Variants in FSTL5 observed in about 807,000 individuals in gnomAD.
FSTL5 encodes the protein follistatin-related protein 5.
A neutral mutation model predicts 89.1 loss-of-function variants in FSTL5; 62 were observed. The ratio of observed to expected loss-of-function variants is 0.70; its 90% CI spans 0.57 to 0.86. The LOEUF (loss-of-function observed/expected upper bound fraction) is 0.86, where lower values mean the gene tolerates loss of function less well. FSTL5 is among the 40% of genes least tolerant of loss of function. The pLI is 0.00. For missense variants in FSTL5, 1,057 were observed against 1,001.6 expected (o/e 1.06, Z -0.75); for synonymous variants, 383 against 346.2 (o/e 1.11, Z -1.18).
chr4:161,743,014 T>C (rs1740080983), intron 6 of FSTL5, among the ~76,000 whole-genome samples: 3 of 152,170 alleles, frequency 2.0e-5, no homozygotes, highest in African/African-American at 7.2e-5. Flanking sequence ...CCTTGGGTGG[T>C]CTTTTCACTC....
intron 6 of FSTL5, among the ~76,000 whole-genome samples, chr4:161,724,763 C>T (rs553056337): frequency 6.6e-6 from 1 of 152,158 alleles, no homozygotes; most frequent in South Asian, 2.1e-4. Context: ...GTCATTTGGG[C>T]AAAGGAATAT....
chr4:162,033,689 A>AT, intron 2 of FSTL5, 31 bp from the exon 3 acceptor site: 1 of 1,256,490 alleles, frequency 8.0e-7, no homozygotes, highest in Non-Finnish European at 1.1e-6. Flanking sequence ...AGGTCAAAAT[A>AT]TGTAAGTAAA....
chr4:161,895,832 T>A (rs531977861), intron 4 of FSTL5, among the ~76,000 whole-genome samples: 4 of 152,244 alleles, frequency 2.6e-5, no homozygotes, highest in African/African-American at 4.8e-5. Flanking sequence ...GGTTTCTAGG[T>A]GGCAGTGGTG....
intron 12 of FSTL5, among the ~76,000 whole-genome samples, chr4:161,488,465 A>C (rs1729752785): frequency 6.6e-6 from 1 of 152,088 alleles, no homozygotes; most frequent in South Asian, 2.1e-4. Context: ...ACACTATGCT[A>C]TCATAAGCTG....
chr4:161,693,807 T>C (rs949684884), intron 6 of FSTL5, among the ~76,000 whole-genome samples: 1 of 151,674 alleles, frequency 6.6e-6, no homozygotes, highest in African/African-American at 2.4e-5. Flanking sequence ...CCCGGCTACT[T>C]TTTTGTATTT....
At chr4:162,014,744 T>A (rs1341708660) in intron 3 of FSTL5, among the ~76,000 whole-genome samples, 1 of 151,980 alleles carries the variant, frequency 6.6e-6, no homozygotes, top group African/African-American at 2.4e-5. Context: ...AATCTTTTTT[T>A]AAAAGTCTAG....
intron 14 of FSTL5, among the ~76,000 whole-genome samples, chr4:161,457,106 C>T (rs900365988): frequency 6.6e-6 from 1 of 152,140 alleles, no homozygotes; most frequent in Admixed American, 6.5e-5. Context: ...CTAACATGAT[C>T]CATGAGTGAG....
At chr4:161,415,793 T>C (rs1365497444) in intron 15 of FSTL5, among the ~76,000 whole-genome samples, 3 of 135,594 alleles carry the variant, frequency 2.2e-5, no homozygotes, top group South Asian at 2.4e-4. Context: ...ATGATATATA[T>C]ACACATATAT....
chr4:161,923,866 C>T (rs1734056813), intron 3 of FSTL5, among the ~76,000 whole-genome samples: 1 of 151,778 alleles, frequency 6.6e-6, no homozygotes, highest in Admixed American at 6.6e-5. Flanking sequence ...CTATTTTACA[C>T]TAGCTAGAAG....
chr4:162,157,080 A>G (rs1192782177), intron 1 of FSTL5, among the ~76,000 whole-genome samples: 1 of 152,136 alleles, frequency 6.6e-6, no homozygotes, highest in East Asian at 1.9e-4. Flanking sequence ...TAAGGAGACT[A>G]GTGCAAAGAA....
intron 6 of FSTL5, among the ~76,000 whole-genome samples, chr4:161,678,137 T>C (rs915879582): frequency 6.6e-6 from 1 of 151,830 alleles, no homozygotes; most frequent in Non-Finnish European, 1.5e-5. Context: ...AATATGTATA[T>C]TCTATGATAT....
intron 15 of FSTL5, among the ~76,000 whole-genome samples, chr4:161,389,343 G>A (rs1730745270): frequency 6.6e-6 from 1 of 152,110 alleles, no homozygotes; most frequent in Non-Finnish European, 1.5e-5. Context: ...GGAAATTAAT[G>A]CCAATAGAAA....
At chr4:161,629,502 C>T (rs981192603) in intron 7 of FSTL5, among the ~76,000 whole-genome samples, 5 of 152,178 alleles carry the variant, frequency 3.3e-5, no homozygotes. Flanking sequence ...GCCACCACAC[C>T]TGGCTAAGTT....
intron 10 of FSTL5, 32 bp downstream of exon 10, chr4:161,538,134 G>T: frequency 6.2e-7 from 1 of 1,609,852 alleles, no homozygotes. Context: ...TGAATATGGT[G>T]TGTGTGTGCT....
chr4:161,814,304 A>G (rs1010124494), intron 4 of FSTL5, among the ~76,000 whole-genome samples: 2 of 152,184 alleles, frequency 1.3e-5, no homozygotes, highest in African/African-American at 4.8e-5. Context: ...GTTAGTATAA[A>G]TAAATTTCTT....
intron 3 of FSTL5, among the ~76,000 whole-genome samples, chr4:161,970,914 T>G (rs1448202259): frequency 6.6e-6 from 1 of 152,064 alleles, no homozygotes; most frequent in African/African-American, 2.4e-5. Context: ...ATGAAGAAAT[T>G]AAGAGTTCAT....
rs1732537782 is a variant in FSTL5 at position 161,560,067 on chromosome 4, C to T, written c.1016-17374G>A. On this transcript the variant is annotated intron_variant, in intron 8 of 15. Transcript: ENST00000306100. ...TTGGTGTGATTTTTTTTTCTTTTAGCTCATCAGCCATCATTAGTGTTAGTG... is the reference window on the plus strand; with the variant it reads ...TTGGTGTGATTTTTTTTTCTTTTAGTTCATCAGCCATCATTAGTGTTAGTG... Among the ~76,000 whole-genome samples the T allele has an allele frequency of 2.0e-5, 3 of 151,498 alleles. No homozygotes were observed. In the South Asian group the frequency reaches 6.2e-4, roughly 31 times the overall value.
At chr4:162,055,295 C>A (rs903268164) in intron 2 of FSTL5, among the ~76,000 whole-genome samples, 31 of 151,346 alleles carry the variant, frequency 2.0e-4, no homozygotes, top group African/African-American at 6.3e-4. Context: ...GCAATTTGAT[C>A]AATATATACA....
intron 7 of FSTL5, among the ~76,000 whole-genome samples, chr4:161,654,042 T>A (rs1163791293): frequency 6.6e-6 from 1 of 152,098 alleles, no homozygotes; most frequent in Non-Finnish European, 1.5e-5. Context: ...TTTTATCCAA[T>A]AAAGTGTATT....
Sources: gnomAD v4.1 joint callset for allele counts (sites outside exome capture counted in the v4.1 genomes callset) on GRCh38, gnomAD v4.1.1 for gene constraint, MANE v1.5 for transcripts, NCBI Gene and HGNC (gene_info 2026-07-23, HGNC 2026-07-21) for gene names.